MYOF: variants seen among roughly 807,000 people sequenced by gnomAD.
MYOF encodes fer-1-like 3, myoferlin.
In MYOF, 244 loss-of-function variants were observed where a neutral mutation model predicts 284.2. That is an observed-to-expected ratio of 0.86 (90% CI 0.77 to 0.95). MYOF has a LOEUF of 0.95. Ranked by LOEUF, MYOF falls within the 40% of genes least tolerant of loss-of-function variation. MYOF has a pLI of 0.00. For synonymous variants in MYOF, 904 were observed against 919.7 expected (o/e 0.98, Z 0.31); for missense variants, 2,496 against 2,560.6 (o/e 0.97, Z 0.54).
At chr10:93,440,461 C>G (rs563825243) in intron 3 of MYOF, among the ~76,000 whole-genome samples, 162 of 152,040 alleles carry the variant, frequency 1.1e-3, no homozygotes, top group Non-Finnish European at 2.1e-3. Flanking sequence ...CTATCTAAAC[C>G]AGCACCCACT....
At chr10:93,470,250 C>CAAAA (rs2057112324) in intron 1 of MYOF, among the ~76,000 whole-genome samples, 1 of 145,272 alleles carries the variant, frequency 6.9e-6, no homozygotes. Flanking sequence ...AAGAAAGAAA[C>CAAAA]AAAGAAAGAA....
chr10:93,404,264 C>T lies in MYOF; in HGVS notation c.730-45G>A, dbSNP rs375904425. 130 of 1,596,748 alleles carry T rather than the reference C, an allele frequency of 8.1e-5. No individual in the cohort carries two copies. In the African/African-American group the frequency reaches 1.2e-3, roughly 14 times the overall value. On this transcript the variant is annotated intron_variant, in intron 7 of 53. Transcript: ENST00000359263. ...GATGTTTAAATGTTAACAGGGGATTCGGGTTAGGGGAATCTGATACTATAA... is the reference window on the plus strand; with the variant it reads ...GATGTTTAAATGTTAACAGGGGATTTGGGTTAGGGGAATCTGATACTATAA...
intron 29 of MYOF, among the ~76,000 whole-genome samples, chr10:93,359,559 T>C (rs1480996723): frequency 6.6e-6 from 1 of 152,208 alleles, no homozygotes; most frequent in African/African-American, 2.4e-5. Context: ...ACATTTAGCC[T>C]GCCTGGGAAT....
At chr10:93,385,600 C>A (rs1467671164) in intron 19 of MYOF, among the ~76,000 whole-genome samples, 1 of 152,204 alleles carries the variant, frequency 6.6e-6, no homozygotes, top group Non-Finnish European at 1.5e-5. Context: ...CCTGGGGCTC[C>A]TGTTGCTTGA....
At chr10:93,480,186 A>G (rs2057355964) in intron 1 of MYOF, among the ~76,000 whole-genome samples, 1 of 152,162 alleles carries the variant, frequency 6.6e-6, no homozygotes, top group African/African-American at 2.4e-5. Flanking sequence ...TAACACATGT[A>G]AATAAACTCT....
chr10:93,433,135 G>A (rs1198573254), intron 3 of MYOF, among the ~76,000 whole-genome samples: 2 of 151,780 alleles, frequency 1.3e-5, no homozygotes. Flanking sequence ...ACGGACAGAA[G>A]AAATATTTAG....
intron 1 of MYOF, 96 bp downstream of exon 1, chr10:93,482,011 T>G: frequency 8.5e-7 from 1 of 1,177,900 alleles, no homozygotes; most frequent in Non-Finnish European, 1.3e-6. Context: ...AGACTTGGCT[T>G]CATCAGCTGT....
chr10:93,425,894 C>T (rs1045867536), intron 5 of MYOF, 177 bp downstream of exon 5: 24 of 622,130 alleles, frequency 3.9e-5, no homozygotes, highest in Middle Eastern at 4.3e-4. Flanking sequence ...AAGGGCATTT[C>T]ATAAACAATT....
Position 93,351,205 on chromosome 10 carries a change from C to G in MYOF, c.3913G>C (p.Ala1305Pro). Residue 1305 changes from alanine to proline, a missense_variant, in exon 35 of 54, where the codon GCC becomes CCC. Ala to Pro is a conservative substitution (Grantham distance 27, BLOSUM62 -1). Around this residue, in one of 3 missense-constraint regions of MYOF, gnomAD observed 2,436 missense variants for 2,480.7 expected, o/e 0.98. Coordinates refer to ENST00000359263, the MANE Select transcript of MYOF (RefSeq NM_013451.4). ...CGTGGGGAGCAGCATACCTCAATGG[C>G]AGTGAGCTGGACCACAGGCCTGATC... is the stretch of plus-strand genomic sequence containing the variant. ...QGIRPVVQLT[A>P]IEILAWGLRN... is the part of the protein sequence containing the mutation. The G allele has an allele frequency of 6.2e-7, 1 of 1,614,128 alleles. No individual in the cohort carries two copies.
chr10:93,473,316 C>T (rs551673337), intron 1 of MYOF, among the ~76,000 whole-genome samples: 1 of 152,318 alleles, frequency 6.6e-6, no homozygotes, highest in African/African-American at 2.4e-5. Flanking sequence ...TTGTCTTGGC[C>T]TTCCATGCCC....
intron 3 of MYOF, among the ~76,000 whole-genome samples, chr10:93,449,305 T>A (rs969853617): frequency 1.3e-5 from 2 of 152,252 alleles, no homozygotes; most frequent in Non-Finnish European, 2.9e-5. Flanking sequence ...TTCATATTTG[T>A]GTTAATCTGG....
chr10:93,317,205 C>A (rs1043543870), intron 49 of MYOF, among the ~76,000 whole-genome samples: 2 of 146,240 alleles, frequency 1.4e-5, no homozygotes, highest in Admixed American at 7.2e-5. Flanking sequence ...TGCTCAGCAA[C>A]TTTCTACCCA....
intron 1 of MYOF, among the ~76,000 whole-genome samples, chr10:93,479,355 C>T (rs1053596525): frequency 1.3e-5 from 2 of 152,092 alleles, no homozygotes; most frequent in African/African-American, 4.8e-5. Flanking sequence ...TGCCTTTGTT[C>T]CATGTTCCCT....
chr10:93,309,509 G>C (rs569466975), intron 53 of MYOF, among the ~76,000 whole-genome samples: 2 of 152,148 alleles, frequency 1.3e-5, no homozygotes, highest in Admixed American at 1.3e-4. Flanking sequence ...AGATAAATGT[G>C]GACAGAGAAA....
chr10:93,375,230 G>A (rs893101813), intron 22 of MYOF, among the ~76,000 whole-genome samples: 1 of 152,220 alleles, frequency 6.6e-6, no homozygotes, highest in African/African-American at 2.4e-5. Flanking sequence ...GGCCCAAGGA[G>A]TCACTGGAAA....
At chr10:93,369,119 T>TTTTTTC in intron 25 of MYOF, among the ~76,000 whole-genome samples, 1 of 143,870 alleles carries the variant, frequency 7.0e-6, no homozygotes, top group African/African-American at 2.7e-5. Context: ...GCTTTTTTTT[T>TTTTTTC]TTTTTTTTTT....
chr10:93,395,672 G>A (rs1415883757), intron 16 of MYOF, among the ~76,000 whole-genome samples: 2 of 151,958 alleles, frequency 1.3e-5, no homozygotes, highest in African/African-American at 2.4e-5. Flanking sequence ...ATCTTAGGGA[G>A]TGAGGACTAC....
intron 23 of MYOF, 21 bp downstream of exon 23, chr10:93,374,742 T>C: frequency 6.2e-7 from 1 of 1,607,728 alleles, no homozygotes; most frequent in South Asian, 1.1e-5. Flanking sequence ...AGGTGACGTT[T>C]GTGTAGTTTA....
In MYOF at chr10:93,387,869, G is replaced by A. The variant is rs762031451; in HGVS notation, c.1626C>T (p.Ala542=). The change falls in exon 19 of 54, where the codon GCC becomes GCT. Residue 542 remains alanine, a synonymous_variant. Transcript: ENST00000359263. The part of the protein sequence containing the change: ...AYRGRILVEL[A]TFLEKTPPDK... The stretch of plus-strand genomic sequence containing the variant: ...CTGGTGGTGTCTTCTCAAGAAAAGT[G>A]GCTAATTCAACCAAGATCCTGCCTC... The A allele has an allele frequency of 6.2e-7, 1 of 1,614,100 alleles. No individual in the cohort carries two copies. The highest frequency in any genetic ancestry group is 8.5e-7 in the Non-Finnish European group (1 of 1,180,022).
Sources: gnomAD v4.1 joint callset for allele counts (sites outside exome capture counted in the v4.1 genomes callset) on GRCh38, gnomAD v4.1.1 for gene constraint, gnomAD v4.1.1 regional missense constraint, MANE v1.5 for transcripts, NCBI Gene and HGNC (gene_info 2026-07-23, HGNC 2026-07-21) for gene names.